PRKG1: variants seen among roughly 807,000 people sequenced by gnomAD.
The protein encoded by PRKG1 is protein kinase cGMP-dependent 1.
In PRKG1, 35 loss-of-function variants were observed where a neutral mutation model predicts 88.1. That is an observed-to-expected ratio of 0.40 (90% CI 0.30 to 0.53). The LOEUF (loss-of-function observed/expected upper bound fraction) is 0.53, where lower values mean the gene tolerates loss of function less well. Ranked by LOEUF, PRKG1 falls within the 20% of genes least tolerant of loss-of-function variation. The pLI, the probability that PRKG1 is intolerant of heterozygous loss-of-function variation, is 0.59. For missense variants in PRKG1, 540 were observed against 839.8 expected (o/e 0.64, Z 4.41); for synonymous variants, 303 against 292.5 (o/e 1.04, Z -0.37).
chr10:52,162,865 C>T (rs1386090022), intron 9 of PRKG1, among the ~76,000 whole-genome samples: 1 of 151,858 alleles, frequency 6.6e-6, no homozygotes, highest in East Asian at 1.9e-4. Flanking sequence ...TCTGTATAAC[C>T]CTGAGGTCAA....
At chr10:51,535,302 TTA>T (rs1842118705) in intron 3 of PRKG1, among the ~76,000 whole-genome samples, 1 of 152,194 alleles carries the variant, frequency 6.6e-6, no homozygotes, top group South Asian at 2.1e-4. Flanking sequence ...CTATGCAGTA[TTA>T]TCTCTGTTTC....
chr10:51,698,715 A>G (rs745561958), intron 3 of PRKG1: 1 of 1,614,188 alleles, frequency 6.2e-7, no homozygotes. Context: ...GGAGTTAAGG[A>G]ACCAGGACCA....
intron 3 of PRKG1, among the ~76,000 whole-genome samples, chr10:51,797,014 A>C (rs1255725243): frequency 2.0e-5 from 3 of 151,988 alleles, no homozygotes; most frequent in African/African-American, 4.8e-5. Flanking sequence ...AATAGGTGGA[A>C]AGTCATTCTA....
intron 3 of PRKG1, among the ~76,000 whole-genome samples, chr10:51,541,368 C>A (rs1842296867): frequency 6.6e-6 from 1 of 152,196 alleles, no homozygotes; most frequent in South Asian, 2.1e-4. Context: ...CAGACCTGTA[C>A]AGGTCCTTGG....
intron 3 of PRKG1, among the ~76,000 whole-genome samples, chr10:51,656,462 G>C (rs1041838813): frequency 2.0e-5 from 3 of 152,136 alleles, no homozygotes; most frequent in Admixed American, 6.6e-5. Context: ...TGGAAACAGA[G>C]CTAGGTAGGA....
At chr10:51,351,535 T>C (rs139849432) in intron 2 of PRKG1, among the ~76,000 whole-genome samples, 2 of 152,284 alleles carry the variant, frequency 1.3e-5, no homozygotes, top group African/African-American at 4.8e-5. Context: ...CATATATTTG[T>C]TGGCCACATA....
chr10:52,002,672 G>T (rs372191368), intron 5 of PRKG1, among the ~76,000 whole-genome samples: 12 of 152,082 alleles, frequency 7.9e-5, no homozygotes, highest in African/African-American at 2.4e-4. Flanking sequence ...CACAGCATGT[G>T]CCTTTGGACA....
At chr10:51,585,308 ATAT>A (rs2132195416) in intron 3 of PRKG1, among the ~76,000 whole-genome samples, 1 of 152,246 alleles carries the variant, frequency 6.6e-6, no homozygotes, top group African/African-American at 2.4e-5. Context: ...TAAAAGAATA[ATAT>A]TAATATTCAA....
At position 52,163,219 on chromosome 10, in the gene PRKG1, G is replaced by A. The variant is rs184303460; in HGVS notation, c.1076+1256G>A. 4.5e-3 allele frequency among the ~76,000 whole-genome samples: 656 copies of A among 144,332 alleles called. 3 individuals carry two copies. Among genetic ancestry groups the A allele is most frequent in the African/African-American group, 0.017 (609 of 35,202 alleles). 94.7% of individuals were successfully genotyped at this position (144,332 alleles called of 152,430 possible). A position where few individuals can be genotyped will look rare whatever the true frequency, so the allele number is the denominator to read the frequency against. On this transcript the variant is annotated intron_variant, in intron 9 of 17. Coordinates refer to ENST00000373980, the MANE Select transcript of PRKG1 (RefSeq NM_006258.4). ...ATAATTTATGTCAGCTTATCTTTTC[G>A]TGTGTTTGTGTGTGTGTGTGTGTGT...
At chr10:51,588,197 T>C (rs1039218765) in intron 3 of PRKG1, among the ~76,000 whole-genome samples, 3 of 152,136 alleles carry the variant, frequency 2.0e-5, no homozygotes, top group African/African-American at 7.2e-5. Context: ...CCCCAGGCAT[T>C]GAGTATACAG....
At chr10:51,774,151 C>T (rs543237069) in intron 3 of PRKG1, among the ~76,000 whole-genome samples, 4 of 152,020 alleles carry the variant, frequency 2.6e-5, no homozygotes, top group Non-Finnish European at 5.9e-5. Context: ...CACCCATTTA[C>T]TACCTAGAGA....
At chr10:51,885,222 A>G (rs1841539067) in intron 4 of PRKG1, among the ~76,000 whole-genome samples, 1 of 152,242 alleles carries the variant, frequency 6.6e-6, no homozygotes, top group African/African-American at 2.4e-5. Context: ...ATGCATGTAC[A>G]GAGATAGAGC....
chr10:51,969,695 G>T (rs1324887960), intron 5 of PRKG1, among the ~76,000 whole-genome samples: 7 of 151,820 alleles, frequency 4.6e-5, no homozygotes, highest in Admixed American at 3.9e-4. Flanking sequence ...AAATGAGAAA[G>T]GCAAATCAAA....
chr10:51,265,515 A>ATTTAT (rs1554852812), intron 2 of PRKG1, among the ~76,000 whole-genome samples: 28 of 152,230 alleles, frequency 1.8e-4, no homozygotes, highest in African/African-American at 6.5e-4. Context: ...CAGTAGTTAC[A>ATTTAT]TTTATTTTAT....
chr10:51,684,206 T>C (rs891382655), intron 3 of PRKG1, among the ~76,000 whole-genome samples: 1 of 152,054 alleles, frequency 6.6e-6, no homozygotes, highest in African/African-American at 2.4e-5. Context: ...CATGGATAAA[T>C]TTTTTTTAAA....
intron 5 of PRKG1, among the ~76,000 whole-genome samples, chr10:52,053,173 A>T (rs922432678): frequency 1.3e-5 from 2 of 152,170 alleles, no homozygotes; most frequent in African/African-American, 4.8e-5. Context: ...TGAAGTGTAC[A>T]TATCAGACTG....
chr10:51,716,050 C>T (rs1429901688), intron 3 of PRKG1, among the ~76,000 whole-genome samples: 1 of 152,178 alleles, frequency 6.6e-6, no homozygotes, highest in African/African-American at 2.4e-5. Flanking sequence ...CATAATGGTT[C>T]CATATTCTTT....
At chr10:51,039,170 T>A (rs1843389102) in intron 1 of PRKG1, among the ~76,000 whole-genome samples, 1 of 152,192 alleles carries the variant, frequency 6.6e-6, no homozygotes, top group Admixed American at 6.5e-5. Context: ...TTGTTCTCCA[T>A]AGTGGTTGTA....
intron 2 of PRKG1, among the ~76,000 whole-genome samples, chr10:51,318,613 G>GT (rs1841380023): frequency 6.6e-6 from 1 of 152,180 alleles, no homozygotes; most frequent in African/African-American, 2.4e-5. Context: ...TGAATGCAGA[G>GT]TAGGGAAAGC....
Sources: allele counts gnomAD v4.1 joint callset (sites outside exome capture counted in the v4.1 genomes callset), GRCh38; gene constraint gnomAD v4.1.1; transcripts MANE v1.5; gene names NCBI Gene and HGNC (gene_info 2026-07-23, HGNC 2026-07-21).